The following ERBB4 variants were observed in gnomAD, a reference collection of about 807,000 sequenced individuals.
The protein encoded by ERBB4 is receptor tyrosine-protein kinase erbB-4.
In ERBB4, 42 loss-of-function variants were observed where a neutral mutation model predicts 158.0. The ratio of observed to expected loss-of-function variants is 0.27; its 90% CI spans 0.21 to 0.34. The LOEUF (loss-of-function observed/expected upper bound fraction) is 0.34. Among genes scored for constraint, ERBB4 ranks in the 10% least tolerant of loss-of-function variants. The pLI, the probability that ERBB4 is intolerant of heterozygous loss-of-function variation, is 1.00. For synonymous variants in ERBB4, 583 were observed against 558.7 expected (o/e 1.04, Z -0.61); for missense variants, 1,333 against 1,624.1 (o/e 0.82, Z 3.08).
intron 3 of ERBB4, among the ~76,000 whole-genome samples, chr2:211,901,149 G>T (rs949605808): frequency 1.3e-5 from 2 of 152,100 alleles, no homozygotes; most frequent in South Asian, 2.1e-4. Context: ...CTCAAAGAGT[G>T]GTAGGATCAT....
chr2:211,678,616 A>T (rs969347471), intron 13 of ERBB4, among the ~76,000 whole-genome samples: 1 of 152,190 alleles, frequency 6.6e-6, no homozygotes, highest in African/African-American at 2.4e-5. Flanking sequence ...CCTTTATGCA[A>T]CAAGAGCTCT....
chr2:211,919,278 A>G (rs2079794369), intron 3 of ERBB4, among the ~76,000 whole-genome samples: 2 of 152,062 alleles, frequency 1.3e-5, no homozygotes, highest in South Asian at 4.1e-4. Flanking sequence ...GAAAAAGGTT[A>G]AATTTGGGAG....
rs16848787 is a variant in ERBB4 at position 212,531,022 on chromosome 2, C to G, written c.82+7427G>C. Among the ~76,000 whole-genome samples the G allele has an allele frequency of 1.4e-4, 22 of 152,042 alleles. No individual in the cohort carries two copies. In the South Asian group the frequency reaches 4.6e-3, roughly 32 times the overall value. ...TGCATATTCCTATTGGTGTTTAGTA[C>G]GCTTCAGTAACCCCTACAATATTGG... On this transcript the variant is annotated intron_variant, in intron 1 of 27. Transcript: ENST00000342788.
chr2:212,382,283 T>A (rs2090529461), intron 1 of ERBB4, among the ~76,000 whole-genome samples: 1 of 150,158 alleles, frequency 6.7e-6, no homozygotes, highest in Admixed American at 6.7e-5. Flanking sequence ...CATATATTCA[T>A]ACACATGTAT....
chr2:212,213,179 G>C (rs13421060), intron 1 of ERBB4, among the ~76,000 whole-genome samples: 84,411 of 151,678 alleles, frequency 0.56, 23,704 homozygotes, highest in East Asian at 0.77. Context: ...TGACAAAGGT[G>C]TAATATCCAG....
chr2:211,458,007 C>T (rs1212473715), intron 20 of ERBB4, among the ~76,000 whole-genome samples: 1 of 149,428 alleles, frequency 6.7e-6, no homozygotes, highest in African/African-American at 2.5e-5. Flanking sequence ...TTGGCAACCA[C>T]TTGCACTGAC....
At chr2:212,128,794 AAAAC>A (rs1270935892) in intron 1 of ERBB4, among the ~76,000 whole-genome samples, 1 of 152,174 alleles carries the variant, frequency 6.6e-6, no homozygotes, top group Non-Finnish European at 1.5e-5. Flanking sequence ...TCTTATTATT[AAAAC>A]AAACACCCAG....
At chr2:211,668,311 A>G (rs2071705912) in intron 14 of ERBB4, among the ~76,000 whole-genome samples, 1 of 152,208 alleles carries the variant, frequency 6.6e-6, no homozygotes, top group Admixed American at 6.5e-5. Flanking sequence ...ATAACTAAAA[A>G]TGTCCTGGCA....
chr2:212,148,756 G>C (rs572595472), intron 1 of ERBB4, among the ~76,000 whole-genome samples: 1 of 148,488 alleles, frequency 6.7e-6, no homozygotes, highest in South Asian at 2.2e-4. Flanking sequence ...CAAAGACTTG[G>C]AACCAACCCA....
chr2:212,230,364 T>C (rs995317390), intron 1 of ERBB4, among the ~76,000 whole-genome samples: 1 of 152,174 alleles, frequency 6.6e-6, no homozygotes, highest in African/African-American at 2.4e-5. Flanking sequence ...TTATCCATAA[T>C]AAAATATGCT....
At chr2:212,523,562 G>C (rs1692285482) in intron 1 of ERBB4, among the ~76,000 whole-genome samples, 1 of 109,646 alleles carries the variant, frequency 9.1e-6, no homozygotes, top group African/African-American at 5.0e-5. Flanking sequence ...GTTTATTTAA[G>C]AATGACAATT....
At chr2:211,551,432 C>T (rs1445192107) in intron 20 of ERBB4, among the ~76,000 whole-genome samples, 3 of 152,114 alleles carry the variant, frequency 2.0e-5, no homozygotes, top group Non-Finnish European at 4.4e-5. Context: ...GCCACTAATA[C>T]TGTGACTTGT....
At chr2:212,123,084 T>G (rs1428787463) in intron 2 of ERBB4, among the ~76,000 whole-genome samples, 16 of 152,194 alleles carry the variant, frequency 1.1e-4, no homozygotes, top group Non-Finnish European at 1.0e-4. Flanking sequence ...GCTCCCTTCT[T>G]TGAACAACAG....
intron 1 of ERBB4, among the ~76,000 whole-genome samples, chr2:212,152,106 T>G (rs1417225583): frequency 6.6e-6 from 1 of 152,180 alleles, no homozygotes; most frequent in Non-Finnish European, 1.5e-5. Flanking sequence ...CATAAGGCTC[T>G]ATTGTTTTTT....
intron 1 of ERBB4, among the ~76,000 whole-genome samples, chr2:212,482,253 C>T (rs978446929): frequency 5.3e-5 from 8 of 152,154 alleles, no homozygotes; most frequent in Non-Finnish European, 1.2e-4. Context: ...TCCCACCATG[C>T]CGCTGATTGA....
intron 3 of ERBB4, among the ~76,000 whole-genome samples, chr2:211,914,865 T>C (rs1023634306): frequency 1.3e-5 from 2 of 152,134 alleles, no homozygotes; most frequent in Non-Finnish European, 2.9e-5. Context: ...GTATATTTTA[T>C]GGAGGGGAAA....
At chr2:212,248,354 C>A (rs10497966) in intron 1 of ERBB4, among the ~76,000 whole-genome samples, 23,399 of 152,064 alleles carry the variant, frequency 0.15, 2,224 homozygotes, top group Non-Finnish European at 0.2. Flanking sequence ...CTTTGCTAAA[C>A]ACAACTTTTT....
At chr2:211,859,033 C>T (rs905703368) in intron 3 of ERBB4, among the ~76,000 whole-genome samples, 1 of 152,172 alleles carries the variant, frequency 6.6e-6, no homozygotes, top group Non-Finnish European at 1.5e-5. Flanking sequence ...TCACCTGCCT[C>T]AGCCTCACAA....
At chr2:211,397,305 G>A (rs912835130) in intron 25 of ERBB4, among the ~76,000 whole-genome samples, 4 of 152,050 alleles carry the variant, frequency 2.6e-5, no homozygotes, top group Non-Finnish European at 2.9e-5. Flanking sequence ...TAAAAAAATG[G>A]CCAATACTTC....
Sources: gnomAD v4.1 joint callset for allele counts (sites outside exome capture counted in the v4.1 genomes callset) on GRCh38, gnomAD v4.1.1 for gene constraint, MANE v1.5 for transcripts, NCBI Gene and HGNC (gene_info 2026-07-23, HGNC 2026-07-21) for gene names.